The following CDH13 variants were observed in gnomAD, a reference collection of about 807,000 sequenced individuals.
CDH13 encodes cadherin-13.
A neutral mutation model predicts 63.8 loss-of-function variants in CDH13; 24 were observed. That is an observed-to-expected ratio of 0.38 (90% CI 0.27 to 0.53). CDH13 has a LOEUF of 0.53. Among genes scored for constraint, CDH13 ranks in the 20% least tolerant of loss-of-function variants. The probability of loss-of-function intolerance (pLI) is 0.85; values close to 1 mark genes in which losing one functional copy is unlikely to be tolerated. For missense variants in CDH13, 1,049 were observed against 903.1 expected, an observed-to-expected ratio of 1.16 and a Z score of -2.07; for synonymous variants, 503 against 355.3, an observed-to-expected ratio of 1.42 and a Z score of -4.67.
chr16:83,083,325 C>T (rs1220397871), intron 3 of CDH13, among the ~76,000 whole-genome samples: 1 of 152,094 alleles, frequency 6.6e-6, no homozygotes, highest in Non-Finnish European at 1.5e-5. Context: ...TAACTCTATA[C>T]CGTACAGTAT....
intron 5 of CDH13, among the ~76,000 whole-genome samples, chr16:83,331,046 C>A (rs1308267068): frequency 6.6e-6 from 1 of 152,126 alleles, no homozygotes; most frequent in Non-Finnish European, 1.5e-5. Context: ...GAGATGGTTC[C>A]TGTTCTTCCA....
chr16:82,716,059 T>C (rs576897703), intron 1 of CDH13, among the ~76,000 whole-genome samples: 2 of 152,104 alleles, frequency 1.3e-5, no homozygotes, highest in East Asian at 3.9e-4. Flanking sequence ...GATAAGGAAA[T>C]GACCTTCCAG....
chr16:83,247,278 C>A (rs570101242), intron 5 of CDH13, among the ~76,000 whole-genome samples: 1 of 152,268 alleles, frequency 6.6e-6, no homozygotes, highest in East Asian at 1.9e-4. Flanking sequence ...AGTACATGTT[C>A]TGCACCAGAC....
intron 2 of CDH13, among the ~76,000 whole-genome samples, chr16:82,930,178 A>G (rs921992435): frequency 3.3e-5 from 5 of 150,980 alleles, no homozygotes; most frequent in African/African-American, 1.2e-4. Context: ...GCATTTTGCC[A>G]GTTGGCTAGG....
At chr16:83,003,386 G>A (rs201122857) in intron 2 of CDH13, among the ~76,000 whole-genome samples, 1 of 151,574 alleles carries the variant, frequency 6.6e-6, no homozygotes, top group South Asian at 2.1e-4. Flanking sequence ...TGGCTTAAGT[G>A]GGTTTTTTTT....
At chr16:83,691,930 T>C (rs1466338868) in intron 10 of CDH13, among the ~76,000 whole-genome samples, 1 of 152,148 alleles carries the variant, frequency 6.6e-6, no homozygotes, top group Non-Finnish European at 1.5e-5. Context: ...TCACCCCTCA[T>C]TTCACAGCAA....
chr16:83,633,442 G>T (rs753908051), intron 8 of CDH13, among the ~76,000 whole-genome samples: 2 of 152,228 alleles, frequency 1.3e-5, no homozygotes, highest in Non-Finnish European at 2.9e-5. Context: ...TCAGTGTTTT[G>T]AAACTCCTCA....
intron 1 of CDH13, among the ~76,000 whole-genome samples, chr16:82,723,531 C>T (rs1460236564): frequency 6.6e-6 from 1 of 152,090 alleles, no homozygotes; most frequent in African/African-American, 2.4e-5. Flanking sequence ...TGCAAATTTG[C>T]CCTATTCCTC....
intron 1 of CDH13, among the ~76,000 whole-genome samples, chr16:82,730,692 C>T (rs1473272600): frequency 4.6e-5 from 7 of 152,142 alleles, no homozygotes; most frequent in Non-Finnish European, 5.9e-5. Context: ...TGCAGGGTTG[C>T]CAGAAACCTT....
At chr16:83,567,436 C>A in intron 7 of CDH13, among the ~76,000 whole-genome samples, 1 of 152,200 alleles carries the variant, frequency 6.6e-6, no homozygotes, top group Non-Finnish European at 1.5e-5. Flanking sequence ...GGCAGGGAAA[C>A]TGAGTCACAA....
intron 2 of CDH13, among the ~76,000 whole-genome samples, chr16:82,938,298 C>T (rs144467781): frequency 6.6e-6 from 1 of 152,322 alleles, no homozygotes; most frequent in African/African-American, 2.4e-5. Context: ...GGTGAATGCA[C>T]TCCTACAGAG....
chr16:83,276,284 A>C (rs1261028900), intron 5 of CDH13, among the ~76,000 whole-genome samples: 1 of 152,086 alleles, frequency 6.6e-6, no homozygotes, highest in African/African-American at 2.4e-5. Context: ...GAGCCCCCCA[A>C]GAGCAGCCCT....
chr16:83,039,321 T>C (rs1917136521), intron 3 of CDH13, among the ~76,000 whole-genome samples: 1 of 152,230 alleles, frequency 6.6e-6, no homozygotes, highest in Admixed American at 6.5e-5. Context: ...TTAGCCTGAC[T>C]GATCTCTGCA....
At chr16:83,455,219 C>T (rs1410185284) in intron 6 of CDH13, among the ~76,000 whole-genome samples, 1 of 152,164 alleles carries the variant, frequency 6.6e-6, no homozygotes, top group South Asian at 2.1e-4. Flanking sequence ...CATCAGTGAA[C>T]AATACAACTT....
chr16:83,447,193 T>A (rs1041845488), intron 6 of CDH13, among the ~76,000 whole-genome samples: 1 of 132,344 alleles, frequency 7.6e-6, no homozygotes, highest in Non-Finnish European at 1.5e-5. Flanking sequence ...GGCAGATGGA[T>A]CACCTGAGGT....
At position 83,277,542 on chromosome 16, in the gene CDH13, C is replaced by T. The variant is rs965856406; in HGVS notation, c.636+60045C>T. Among the ~76,000 whole-genome samples, 4 of 152,126 alleles carry T rather than the reference C, an allele frequency of 2.6e-5. No homozygotes were observed. The South Asian group carries it at 8.3e-4, about 32-fold the overall frequency. On this transcript the variant is annotated intron_variant, in intron 5 of 13. Coordinates refer to ENST00000567109, the MANE Select transcript of CDH13 (RefSeq NM_001257.5). Reference sequence around the variant, plus strand: ...ATCCCTGAGACTTTTTCAGGGGCTTCATGAGGTCAAGACTATTTTCATAAA... The same window carrying T: ...ATCCCTGAGACTTTTTCAGGGGCTTTATGAGGTCAAGACTATTTTCATAAA...
At chr16:83,138,013 GTATCTGCGCTTGGCCC>G (rs2036372614) in intron 4 of CDH13, among the ~76,000 whole-genome samples, 2 of 152,104 alleles carry the variant, frequency 1.3e-5, no homozygotes, top group Admixed American at 1.3e-4. Context: ...TCCCTCCTGG[GTATCTGCGCTTGGCCC>G]ACTTCTGCAA....
intron 1 of CDH13, among the ~76,000 whole-genome samples, chr16:82,768,387 C>G (rs1051632086): frequency 6.6e-6 from 1 of 152,114 alleles, no homozygotes; most frequent in African/African-American, 2.4e-5. Flanking sequence ...ACTGAATTGA[C>G]CATTTCAGCC....
chr16:83,473,609 G>A (rs1421744516), intron 6 of CDH13, among the ~76,000 whole-genome samples: 2 of 152,080 alleles, frequency 1.3e-5, no homozygotes, highest in African/African-American at 2.4e-5. Context: ...CGGGCTTCTG[G>A]ACCTAGCCTA....
Sources: gnomAD v4.1 joint callset for allele counts (sites outside exome capture counted in the v4.1 genomes callset) on GRCh38, gnomAD v4.1.1 for gene constraint, MANE v1.5 for transcripts, NCBI Gene and HGNC (gene_info 2026-07-23, HGNC 2026-07-21) for gene names.